Variants in TTLL1 observed in about 807,000 individuals in gnomAD.
The protein encoded by TTLL1 is polyglutamylase complex subunit TTLL1.
Under a neutral mutation model 47.8 loss-of-function variants are expected in TTLL1, and 33 were observed. The ratio of observed to expected loss-of-function variants is 0.69; its 90% CI spans 0.52 to 0.92. The LOEUF (loss-of-function observed/expected upper bound fraction) is 0.92. Ranked by LOEUF, TTLL1 falls within the 40% of genes least tolerant of loss-of-function variation. The pLI is 0.00. For missense variants in TTLL1, 488 were observed against 547.5 expected (o/e 0.89, Z 1.08); for synonymous variants, 225 against 214.1 (o/e 1.05, Z -0.45).
intron 10 of TTLL1, among the ~76,000 whole-genome samples, chr22:43,041,576 C>T (rs1925685924): frequency 6.9e-6 from 1 of 144,618 alleles, no homozygotes; most frequent in South Asian, 2.1e-4. Context: ...GTGTAGTGGC[C>T]CGATCTTGGC....
At chr22:43,052,638 C>T (rs927095769) in intron 8 of TTLL1, among the ~76,000 whole-genome samples, 12 of 151,972 alleles carry the variant, frequency 7.9e-5, no homozygotes, top group African/African-American at 2.7e-4. Context: ...CTACTCGGGA[C>T]AGCTGGAGGC....
intron 1 of TTLL1, among the ~76,000 whole-genome samples, chr22:43,081,964 G>A (rs1378102827): frequency 6.9e-6 from 1 of 144,278 alleles, no homozygotes; most frequent in Admixed American, 7.2e-5. Flanking sequence ...AGATTCTCCT[G>A]CCTCAGCCTC....
chr22:43,075,671 T>C (rs2146987081), intron 2 of TTLL1, 81 bp from the exon 3 acceptor site: 2 of 1,238,256 alleles, frequency 1.6e-6, no homozygotes, highest in East Asian at 2.3e-5. Context: ...CTAAACAGCA[T>C]GCCCATCCCA....
intron 5 of TTLL1, among the ~76,000 whole-genome samples, chr22:43,067,434 C>G (rs1269594687): frequency 6.6e-6 from 1 of 152,212 alleles, no homozygotes; most frequent in Non-Finnish European, 1.5e-5. Context: ...GCCACGAGTC[C>G]CAGGACTTTG....
chr22:43,080,902 C>CTTTTTTTTATT (rs1928834477), intron 1 of TTLL1, among the ~76,000 whole-genome samples: 1 of 69,284 alleles, frequency 1.4e-5, no homozygotes, highest in Non-Finnish European at 2.6e-5. Context: ...TGTTGCATGA[C>CTTTTTTTTATT]TTTTTTTTTT....
intron 10 of TTLL1, among the ~76,000 whole-genome samples, chr22:43,043,811 C>G (rs999580509): frequency 6.6e-6 from 1 of 152,126 alleles, no homozygotes; most frequent in Middle Eastern, 3.4e-3. Context: ...CAGTTACCTT[C>G]CTCCTTGTGC....
chr22:43,087,531 A>T (rs1163161766), intron 1 of TTLL1, among the ~76,000 whole-genome samples: 1 of 151,368 alleles, frequency 6.6e-6, no homozygotes, highest in Non-Finnish European at 1.5e-5. Context: ...CTCAAAAAAA[A>T]AAAAAAAAAG....
chr22:43,071,013 AG>A (rs1246746760), intron 3 of TTLL1, among the ~76,000 whole-genome samples: 7 of 152,018 alleles, frequency 4.6e-5, no homozygotes, highest in Admixed American at 2.0e-4. Context: ...CCCAGGCTCA[AG>A]CAATCCTCCT....
At chr22:43,057,005 C>A (rs1927061640) in intron 8 of TTLL1, among the ~76,000 whole-genome samples, 1 of 151,550 alleles carries the variant, frequency 6.6e-6, no homozygotes, top group Non-Finnish European at 1.5e-5. Flanking sequence ...GGCGCGGTGG[C>A]TCACATCTGT....
intron 10 of TTLL1, among the ~76,000 whole-genome samples, chr22:43,044,573 G>A (rs1601650953): frequency 6.6e-6 from 1 of 152,148 alleles, no homozygotes; most frequent in Non-Finnish European, 1.5e-5. Context: ...TGCTGTGACA[G>A]AAGCATGTAA....
At chr22:43,057,935 A>AAT (rs201882486) in intron 8 of TTLL1, among the ~76,000 whole-genome samples, 1,605 of 147,096 alleles carry the variant, frequency 0.011, 18 homozygotes, top group South Asian at 0.043. Context: ...AAGCACTGGA[A>AAT]ATATATATAT....
In TTLL1 at chr22:43,059,535, C is replaced by G. The variant is rs747971888; in HGVS notation, c.748-8G>C. 9 of 1,609,720 alleles carry G rather than the reference C, an allele frequency of 5.6e-6. No individual in the cohort carries two copies. The highest frequency in any genetic ancestry group is 2.2e-5 in the East Asian group (1 of 44,738). On this transcript the variant is annotated splice_region_variant and splice_polypyrimidine_tract_variant and intron_variant, in intron 7 of 10. Coordinates refer to ENST00000266254, the MANE Select transcript of TTLL1 (RefSeq NM_012263.5). ...GATGTGGTTGTAGTCCTCCTGGTGA[C>G]GGGAAAGCGGGCAGGCATCCCTCAG... is the stretch of plus-strand genomic sequence containing the variant.
intron 5 of TTLL1, among the ~76,000 whole-genome samples, chr22:43,065,465 T>C (rs1309703724): frequency 6.6e-6 from 1 of 152,048 alleles, no homozygotes; most frequent in Non-Finnish European, 1.5e-5. Context: ...AATTTTTGTA[T>C]TTTTAGTAGA....
In TTLL1 at chr22:43,059,419, G is replaced by A; in HGVS notation, c.856C>T (p.His286Tyr). ...TTCAGGGACTGCACGATGATCCAGT[G>A]GATCTCGTCGAACAGCTTGCTGGTC... ...EVTSKLFDEI[H>Y]WIIVQSLKAV... The change falls in exon 8 of 11, where the codon CAC (histidine) becomes TAC (tyrosine). Residue 286 changes from histidine (H) to tyrosine (Y), a missense_variant. His to Tyr is a moderately conservative substitution (Grantham distance 83, BLOSUM62 2). Coordinates refer to ENST00000266254, the MANE Select transcript of TTLL1 (RefSeq NM_012263.5). The A allele has an allele frequency of 6.2e-7, 1 of 1,613,992 alleles. No individual in the cohort carries two copies. Among genetic ancestry groups the A allele is most frequent in the Non-Finnish European group, 8.5e-7 (1 of 1,179,948 alleles).
chr22:43,082,065 T>C (rs1365188842), intron 1 of TTLL1, among the ~76,000 whole-genome samples: 1 of 151,792 alleles, frequency 6.6e-6, no homozygotes, highest in Non-Finnish European at 1.5e-5. Flanking sequence ...TTTACCAGGC[T>C]AGTCTCAAAC....
chr22:43,042,709 T>G (rs1246095860), intron 10 of TTLL1, among the ~76,000 whole-genome samples: 1 of 152,148 alleles, frequency 6.6e-6, no homozygotes, highest in East Asian at 1.9e-4. Context: ...CAGCACCAAC[T>G]GCTACTGCTG....
chr22:43,058,667 C>G lies in TTLL1; in HGVS notation c.891+717G>C, dbSNP rs142630560. 3.2e-3 allele frequency among the ~76,000 whole-genome samples: 482 copies of G among 152,118 alleles called. 1 individual carries two copies. Among genetic ancestry groups the G allele is most frequent in the Non-Finnish European group, 5.6e-3 (379 of 67,998 alleles). On this transcript the variant is annotated intron_variant, in intron 8 of 10. Transcript: ENST00000266254. ...CAGCCTCTGGCAGATGTGCAGGCGG[C>G]AAGAAAGTGAAAACAGGTTTTTTTT...
chr22:43,063,242 C>CA (rs1408903009), intron 7 of TTLL1, among the ~76,000 whole-genome samples: 1 of 152,132 alleles, frequency 6.6e-6, no homozygotes, highest in Non-Finnish European at 1.5e-5. Context: ...CCCGAGGCCA[C>CA]AGAACTAGAA....
chr22:43,049,529 A>G (rs1305997153), intron 9 of TTLL1, among the ~76,000 whole-genome samples: 3 of 151,616 alleles, frequency 2.0e-5, no homozygotes, highest in Admixed American at 2.0e-4. Flanking sequence ...GTCTCAAAAA[A>G]ACAAAACCAA....
Sources: gnomAD v4.1 joint callset for allele counts (sites outside exome capture counted in the v4.1 genomes callset) on GRCh38, gnomAD v4.1.1 for gene constraint, MANE v1.5 for transcripts, NCBI Gene and HGNC (gene_info 2026-07-23, HGNC 2026-07-21) for gene names.